The following LYZL4 variants were observed in gnomAD, a reference collection of about 807,000 sequenced individuals.
LYZL4 encodes the protein lysozyme like 4.
LYZL4 carries 13 observed loss-of-function variants against 17.6 expected under a neutral mutation model. The observed-to-expected ratio is 0.74, with a 90% CI of 0.48 to 1.18. LYZL4 has a LOEUF of 1.18. Among genes scored for constraint, LYZL4 ranks in the 50% most tolerant of loss-of-function variants. The pLI is 0.00. For missense variants in LYZL4, 174 were observed against 188.2 expected (o/e 0.92, Z 0.44); for synonymous variants, 64 against 67.7 (o/e 0.95, Z 0.27).
At chr3:42,376,285 T>C in the LYZL4 span, among the ~76,000 whole-genome samples, 1 of 152,058 alleles carries the variant, frequency 6.6e-6, no homozygotes, top group African/African-American at 2.4e-5. Context: ...AGCCTGAAGG[T>C]GGGGAAGTAG....
At chr3:42,407,428 C>T in intron 1 of LYZL4, 85 bp from the exon 2 acceptor site, 2 of 753,016 alleles carry the variant, frequency 2.7e-6, no homozygotes, top group Middle Eastern at 3.9e-4. Context: ...TCTTCCCATC[C>T]TAATTCTCTG....
At chr3:42,406,025 G>A (rs1698742161) in intron 3 of LYZL4, among the ~76,000 whole-genome samples, 1 of 152,130 alleles carries the variant, frequency 6.6e-6, no homozygotes, top group Non-Finnish European at 1.5e-5. Context: ...GTGAATCCTG[G>A]CAACCACCTC....
chr3:42,406,781 G>A (rs1349145628), intron 3 of LYZL4, 65 bp downstream of exon 3: 3 of 1,584,468 alleles, frequency 1.9e-6, no homozygotes, highest in Non-Finnish European at 2.6e-6. Flanking sequence ...CCATTTGGAA[G>A]GCAGGCCTCT....
chr3:42,390,558 T>A, the LYZL4 span, among the ~76,000 whole-genome samples: 3 of 151,734 alleles, frequency 2.0e-5, no homozygotes, highest in African/African-American at 4.8e-5. Flanking sequence ...TTTTTTTTTT[T>A]AAGATGGAGT....
chr3:42,385,831 A>G, the LYZL4 span, among the ~76,000 whole-genome samples: 1 of 152,236 alleles, frequency 6.6e-6, no homozygotes, highest in South Asian at 2.1e-4. Flanking sequence ...TAGATATTAT[A>G]AAGCATGAAC....
chr3:42,400,592 T>G (rs1414161072), intron 4 of LYZL4, among the ~76,000 whole-genome samples: 13 of 152,246 alleles, frequency 8.5e-5, no homozygotes, highest in African/African-American at 2.7e-4. Flanking sequence ...ATTCTAAGAT[T>G]CATCAATGAT....
the LYZL4 span, among the ~76,000 whole-genome samples, chr3:42,372,197 G>A: frequency 6.6e-6 from 1 of 152,212 alleles, no homozygotes; most frequent in Non-Finnish European, 1.5e-5. Context: ...TGAGCATCAT[G>A]TGATGGGATA....
At chr3:42,394,843 G>A (rs1044344927), downstream of LYZL4, among the ~76,000 whole-genome samples, 5 of 152,340 alleles carry the variant, frequency 3.3e-5, no homozygotes, top group Middle Eastern at 3.4e-3. Context: ...AGGCGGCAGC[G>A]CGCTGGATTT....
the LYZL4 span, among the ~76,000 whole-genome samples, chr3:42,384,583 T>C: frequency 2.0e-5 from 3 of 152,002 alleles, no homozygotes; most frequent in Non-Finnish European, 1.5e-5. Context: ...ACTTTTGGGG[T>C]TGAATGAATG....
At chr3:42,383,439 C>CA in the LYZL4 span, among the ~76,000 whole-genome samples, 10,293 of 108,720 alleles carry the variant, frequency 0.095, 466 homozygotes, top group Admixed American at 0.16. Flanking sequence ...TGATTTCCAC[C>CA]AAAAAAAAAA....
At chr3:42,371,025 C>T in the LYZL4 span, among the ~76,000 whole-genome samples, 4 of 152,196 alleles carry the variant, frequency 2.6e-5, no homozygotes, top group Non-Finnish European at 5.9e-5. Flanking sequence ...GGACTTTGCA[C>T]ACATTTGGTC....
the LYZL4 span, among the ~76,000 whole-genome samples, chr3:42,384,602 G>A: frequency 3.1e-3 from 471 of 152,320 alleles, 3 homozygotes; most frequent in African/African-American, 0.011. Flanking sequence ...TGATAAGTAC[G>A]TAGGAAACTA....
the LYZL4 span, among the ~76,000 whole-genome samples, chr3:42,362,936 G>A: frequency 1.3e-5 from 2 of 152,280 alleles, no homozygotes; most frequent in East Asian, 3.9e-4. Context: ...CATATCTCCT[G>A]AAAGATGCAA....
At position 42,405,694 on chromosome 3, in the gene LYZL4, G is replaced by A. The variant is rs530993715; in HGVS notation, c.292+1152C>T. 5.2e-4 allele frequency among the ~76,000 whole-genome samples: 79 copies of A among 152,198 alleles called. 1 individual carries two copies. The Middle Eastern group carries it at 0.01, about 20-fold the overall frequency. On this transcript the variant is annotated intron_variant, in intron 3 of 4. Transcript: ENST00000287748. ...CAGGAAGACCGCCTCAGATGTGAGG[G>A]AGACCTGGCCCAGCTATGTAGCCTC... is the stretch of plus-strand genomic sequence containing the variant.
At chr3:42,398,996 T>C (rs911040519) in intron 4 of LYZL4, among the ~76,000 whole-genome samples, 1 of 152,018 alleles carries the variant, frequency 6.6e-6, no homozygotes, top group African/African-American at 2.4e-5. Flanking sequence ...AAGGTCAACA[T>C]GAAGAAAAAA....
At chr3:42,375,293 C>G in the LYZL4 span, among the ~76,000 whole-genome samples, 2 of 152,144 alleles carry the variant, frequency 1.3e-5, no homozygotes, top group Admixed American at 6.5e-5. Context: ...GTCGATCTAA[C>G]CGTTGTTATT....
the LYZL4 span, among the ~76,000 whole-genome samples, chr3:42,363,798 A>T: frequency 6.6e-6 from 1 of 152,224 alleles, no homozygotes; most frequent in Non-Finnish European, 1.5e-5. Flanking sequence ...TTATTATTAC[A>T]ATCATCAGAT....
chr3:42,384,442 C>G, the LYZL4 span, among the ~76,000 whole-genome samples: 1 of 152,062 alleles, frequency 6.6e-6, no homozygotes, highest in Admixed American at 6.6e-5. Context: ...GACAGGTGTG[C>G]ATGAGGTGAA....
At chr3:42,378,415 T>A in the LYZL4 span, among the ~76,000 whole-genome samples, 1 of 152,196 alleles carries the variant, frequency 6.6e-6, no homozygotes, top group South Asian at 2.1e-4. Context: ...CAAGTGGCCA[T>A]CCCAGCTTGT....
Sources: gnomAD v4.1 joint callset for allele counts (sites outside exome capture counted in the v4.1 genomes callset) on GRCh38, gnomAD v4.1.1 for gene constraint, MANE v1.5 for transcripts, NCBI Gene and HGNC (gene_info 2026-07-23, HGNC 2026-07-21) for gene names.